The following ZNF682 variants were observed in gnomAD, a reference collection of about 807,000 sequenced individuals.
ZNF682 encodes zinc finger protein 682.
A neutral mutation model predicts 36.5 loss-of-function variants in ZNF682; 29 were observed. That is an observed-to-expected ratio of 0.80 (90% CI 0.59 to 1.08). The LOEUF (loss-of-function observed/expected upper bound fraction) is 1.08, where lower values mean the gene tolerates loss of function less well. ZNF682 is among the 50% of genes least tolerant of loss of function. The pLI is 0.00. For missense variants in ZNF682, 561 were observed against 579.7 expected (o/e 0.97, Z 0.33); for synonymous variants, 180 against 197.0 (o/e 0.91, Z 0.72).
chr19:20,015,511 T>C, intron 3 of ZNF682: 1 of 766,708 alleles, frequency 1.3e-6, no homozygotes, highest in Non-Finnish European at 1.6e-6. Context: ...TGGCCTATTA[T>C]AAAAACTGTA....
intron 1 of ZNF682, among the ~76,000 whole-genome samples, chr19:20,025,655 C>G (rs913003961): frequency 1.4e-5 from 2 of 141,834 alleles, no homozygotes; most frequent in African/African-American, 5.3e-5. Context: ...CAAACCTGTG[C>G]AACAGTGCGA....
chr19:19,997,410 C>T (rs1191797537), intron 3 of ZNF682: 1 of 395,814 alleles, frequency 2.5e-6, no homozygotes, highest in South Asian at 1.4e-4. Flanking sequence ...GGCCTTTGTT[C>T]TTCATTGGTG....
rs368059929 is a variant in ZNF682 at position 20,021,899 on chromosome 19, G to A, written c.226+1105C>T. ...GAAAATTCCATAAGGGGCTGGGCAC[G>A]GTGGCTCACACCTGTAATCCCAGCA... is the stretch of plus-strand genomic sequence containing the variant. On this transcript the variant is annotated intron_variant, in intron 3 of 3. Coordinates refer to ENST00000397165, the MANE Select transcript of ZNF682 (RefSeq NM_033196.3). 1.1e-4 allele frequency among the ~76,000 whole-genome samples: 17 copies of A among 152,146 alleles called. No individual in the cohort carries two copies. In the East Asian group the frequency reaches 2.3e-3, roughly 21 times the overall value.
At position 20,029,030 on chromosome 19, in the gene ZNF682, G is replaced by C. The variant is rs534295398; in HGVS notation, c.4-4654C>G. Among the ~76,000 whole-genome samples, 525 of 149,712 alleles carry C rather than the reference G, an allele frequency of 3.5e-3. 5 individuals are homozygous for C. Among genetic ancestry groups the C allele is most frequent in the Non-Finnish European group, 3.0e-3 (200 of 67,634 alleles). ...GTCTTGCTGTGTTGCCCAGGCTGGA[G>C]GGCAGTGGCACGATCTTGGCTCACT... is the stretch of plus-strand genomic sequence containing the variant. On this transcript the variant is annotated intron_variant, in intron 1 of 3. Coordinates refer to ENST00000397165, the MANE Select transcript of ZNF682 (RefSeq NM_033196.3).
downstream of ZNF682, among the ~76,000 whole-genome samples, chr19:19,996,746 T>C (rs76786975): frequency 0.018 from 2,758 of 152,054 alleles, 37 homozygotes; most frequent in Middle Eastern, 0.034. Flanking sequence ...GATGGGTGCG[T>C]CAAAATCTCA....
At chr19:20,020,421 C>T (rs973240276) in intron 3 of ZNF682, among the ~76,000 whole-genome samples, 3 of 152,066 alleles carry the variant, frequency 2.0e-5, no homozygotes, top group Admixed American at 6.6e-5. Flanking sequence ...CGTTTGAACC[C>T]GGGAGGCGGA....
At chr19:20,004,184 A>C (rs1426275501), downstream of ZNF682, among the ~76,000 whole-genome samples, 2 of 152,218 alleles carry the variant, frequency 1.3e-5, no homozygotes, top group Non-Finnish European at 2.9e-5. Flanking sequence ...TTTTCATAAT[A>C]ATCATCTTAA....
rs79289976 is a variant in ZNF682, at chr19:20,010,204, T to C, written c.227-2929A>G. Among the ~76,000 whole-genome samples the C allele has an allele frequency of 2.8e-3, 433 of 152,116 alleles. 2 individuals carry two copies. Among genetic ancestry groups the C allele is most frequent in the African/African-American group, 9.9e-3 (412 of 41,490 alleles). On this transcript the variant is annotated intron_variant, in intron 3 of 3. Coordinates refer to ENST00000397165, the MANE Select transcript of ZNF682 (RefSeq NM_033196.3). ...CTTAAGAGTGTTCCAAATATGGAAATGGAAGAATGATACCTACTACCACAA... is the reference window on the plus strand; with the variant it reads ...CTTAAGAGTGTTCCAAATATGGAAACGGAAGAATGATACCTACTACCACAA...
intron 3 of ZNF682, among the ~76,000 whole-genome samples, chr19:20,012,519 G>A (rs910307568): frequency 1.3e-5 from 2 of 152,118 alleles, no homozygotes; most frequent in African/African-American, 2.4e-5. Flanking sequence ...TGTAATCCCA[G>A]CACTTTGGGA....
intron 3 of ZNF682, among the ~76,000 whole-genome samples, chr19:20,015,013 A>C (rs1242210420): frequency 6.6e-6 from 1 of 152,162 alleles, no homozygotes; most frequent in Non-Finnish European, 1.5e-5. Context: ...CCCAAGATAA[A>C]AACATGTGGA....
chr19:20,033,876 A>G (rs966755989), intron 1 of ZNF682: 6 of 153,208 alleles, frequency 3.9e-5, no homozygotes, highest in African/African-American at 1.4e-4. Flanking sequence ...TTCTACTGAC[A>G]ACGATGACAT....
In ZNF682 at chr19:20,007,134, C is replaced by T. The variant is rs1399568661; in HGVS notation, c.368G>A (p.Cys123Tyr). The change falls in exon 4 of 4, where the codon TGT (cysteine) becomes TAT (tyrosine). Residue 123 changes from cysteine to tyrosine, a missense_variant. Coordinates refer to ENST00000397165, the MANE Select transcript of ZNF682 (RefSeq NM_033196.3). ...ATTATAAATTTCTTTTTGATCCTTA[C>T]ACTCACCCACATTTTCCCCATCCTT... is the stretch of plus-strand genomic sequence containing the variant. ...LRKDGENVGECKDQKEIYNGL... is the reference protein window; with the variant it reads ...LRKDGENVGEYKDQKEIYNGL... 1.2e-6 allele frequency: 2 copies of T among 1,613,526 alleles called. No homozygotes were observed. Among genetic ancestry groups the T allele is most frequent in the South Asian group, 1.1e-5 (1 of 91,080 alleles).
intron 3 of ZNF682, among the ~76,000 whole-genome samples, chr19:20,021,367 C>A (rs1025266405): frequency 6.6e-6 from 1 of 152,086 alleles, no homozygotes; most frequent in Non-Finnish European, 1.5e-5. Flanking sequence ...GCCTGTAATC[C>A]CAGCTACTTG....
intron 1 of ZNF682, among the ~76,000 whole-genome samples, chr19:20,037,739 A>AT (rs138273494): frequency 8.8e-4 from 134 of 151,936 alleles, no homozygotes; most frequent in Middle Eastern, 3.4e-3. Flanking sequence ...CCTTGGGGAT[A>AT]TTTTTTTTCT....
chr19:20,038,597 C>A (rs532512595), intron 1 of ZNF682, among the ~76,000 whole-genome samples: 1 of 133,664 alleles, frequency 7.5e-6, no homozygotes, highest in South Asian at 2.7e-4. Context: ...GGCTCTAGTA[C>A]CCTGAGTTCC....
chr19:19,997,984 A>T (rs1247640724), intron 3 of ZNF682, among the ~76,000 whole-genome samples: 1 of 152,176 alleles, frequency 6.6e-6, no homozygotes, highest in East Asian at 1.9e-4. Context: ...CATATTATCA[A>T]GTGGTCAAAA....
At chr19:20,034,731 C>T (rs2088512125) in intron 1 of ZNF682, among the ~76,000 whole-genome samples, 2 of 150,626 alleles carry the variant, frequency 1.3e-5, no homozygotes, top group African/African-American at 4.9e-5. Context: ...CAAGATTGCG[C>T]CATTGCACTC....
intron 3 of ZNF682, among the ~76,000 whole-genome samples, chr19:20,019,282 CT>C (rs2088364149): frequency 6.6e-6 from 1 of 152,104 alleles, no homozygotes; most frequent in Non-Finnish European, 1.5e-5. Context: ...ATTGAGAGGC[CT>C]TTTGAGCCAC....
At chr19:20,033,441 A>G (rs1057389990) in intron 1 of ZNF682, 1 of 152,374 alleles carries the variant, frequency 6.6e-6, no homozygotes, top group Non-Finnish European at 1.5e-5. Flanking sequence ...GCGCTCCAGC[A>G]CCATGCCACA....
Sources: allele counts gnomAD v4.1 joint callset (sites outside exome capture counted in the v4.1 genomes callset), GRCh38; gene constraint gnomAD v4.1.1; transcripts MANE v1.5; gene names NCBI Gene and HGNC (gene_info 2026-07-23, HGNC 2026-07-21).